Variants in MTUS2 observed in about 807,000 individuals in gnomAD.
The protein encoded by MTUS2 is microtubule-associated tumor suppressor candidate 2.
Under a neutral mutation model 114.1 loss-of-function variants are expected in MTUS2, and 40 were observed. That is an observed-to-expected ratio of 0.35 (90% CI 0.27 to 0.46). MTUS2 has a LOEUF of 0.46. MTUS2 is among the 20% of genes least tolerant of loss of function. The probability of loss-of-function intolerance (pLI) is 1.00; values close to 1 mark genes in which losing one functional copy is unlikely to be tolerated. For synonymous variants in MTUS2, 688 were observed against 672.0 expected, an observed-to-expected ratio of 1.02 and a Z score of -0.37; for missense variants, 1,679 against 1,705.4, an observed-to-expected ratio of 0.98 and a Z score of 0.27.
At chr13:29,373,447 A>G (rs1326156243) in intron 8 of MTUS2, among the ~76,000 whole-genome samples, 2 of 152,234 alleles carry the variant, frequency 1.3e-5, no homozygotes, top group Non-Finnish European at 2.9e-5. Context: ...ACTGGAAAGG[A>G]TAGCAGATAT....
chr13:29,278,101 G>A (rs551848107), intron 5 of MTUS2, among the ~76,000 whole-genome samples: 16 of 152,192 alleles, frequency 1.1e-4, no homozygotes, highest in East Asian at 3.9e-4. Context: ...CTGGGACAGC[G>A]GGCTGCTATA....
intron 9 of MTUS2, among the ~76,000 whole-genome samples, chr13:29,467,520 A>C (rs1879973236): frequency 6.6e-6 from 1 of 152,116 alleles, no homozygotes; most frequent in Admixed American, 6.5e-5. Flanking sequence ...CTGCAAGCCC[A>C]AATTAACCTG....
At chr13:29,072,410 C>T (rs2146140) in intron 4 of MTUS2, among the ~76,000 whole-genome samples, 87,206 of 151,804 alleles carry the variant, frequency 0.57, 25,342 homozygotes, top group Non-Finnish European at 0.61. Flanking sequence ...CTCTTAAATC[C>T]AGTCAATGTT....
intron 4 of MTUS2, among the ~76,000 whole-genome samples, chr13:29,039,467 G>T (rs921534725): frequency 6.6e-6 from 1 of 152,190 alleles, no homozygotes; most frequent in Non-Finnish European, 1.5e-5. Context: ...GTCACAGGGC[G>T]CAGCTGCAGC....
At chr13:29,295,737 G>A (rs368654629) in intron 6 of MTUS2, among the ~76,000 whole-genome samples, 26 of 152,304 alleles carry the variant, frequency 1.7e-4, no homozygotes, top group South Asian at 8.3e-4. Context: ...GGACTCAACA[G>A]TTCCCCATGG....
chr13:29,268,437 T>G (rs1315643846), intron 5 of MTUS2, among the ~76,000 whole-genome samples: 2 of 152,124 alleles, frequency 1.3e-5, no homozygotes, highest in Non-Finnish European at 2.9e-5. Flanking sequence ...AAGTCGAGTC[T>G]TCACGATGCT....
At chr13:28,859,493 A>G (rs1470079920) in intron 2 of MTUS2, among the ~76,000 whole-genome samples, 1 of 152,106 alleles carries the variant, frequency 6.6e-6, no homozygotes, top group East Asian at 1.9e-4. Flanking sequence ...GGACTGGGGA[A>G]TTAGGCATGT....
At chr13:29,463,307 A>G (rs1189622604) in intron 9 of MTUS2, among the ~76,000 whole-genome samples, 1 of 152,194 alleles carries the variant, frequency 6.6e-6, no homozygotes, top group Admixed American at 6.5e-5. Context: ...TGGGGTCATA[A>G]AGAGGAGTTG....
intron 8 of MTUS2, among the ~76,000 whole-genome samples, chr13:29,361,044 G>T (rs1361086586): frequency 1.3e-5 from 2 of 152,162 alleles, no homozygotes; most frequent in East Asian, 3.9e-4. Context: ...CCACTTTTGG[G>T]ATCATGGCAG....
chr13:29,453,157 G>A (rs1878852159), intron 9 of MTUS2, among the ~76,000 whole-genome samples: 1 of 152,158 alleles, frequency 6.6e-6, no homozygotes, highest in Admixed American at 6.5e-5. Flanking sequence ...ATTGGTGTCT[G>A]AGAGAAGATA....
chr13:28,894,053 G>C (rs1440320329), intron 2 of MTUS2, among the ~76,000 whole-genome samples: 1 of 151,804 alleles, frequency 6.6e-6, no homozygotes, highest in Non-Finnish European at 1.5e-5. Context: ...GGGTCTGCCA[G>C]GCTATCCCAC....
At chr13:29,196,556 C>T (rs968013535) in intron 5 of MTUS2, among the ~76,000 whole-genome samples, 8 of 152,108 alleles carry the variant, frequency 5.3e-5, no homozygotes, top group African/African-American at 1.9e-4. Flanking sequence ...CACCATCATC[C>T]ATCTCCAGAA....
chr13:29,504,760 C>T lies in MTUS2; in HGVS notation c.*1554C>T. On this transcript the variant is annotated 3_prime_UTR_variant, in exon 16 of 16. Coordinates refer to ENST00000612955, the MANE Select transcript of MTUS2 (RefSeq NM_001033602.4). ...GTATGTGACAAAGACCCTGCACTTT[C>T]TCCCTGAGACCCCCCCAAAATTGTC... 4.3e-6 allele frequency: 1 copy of T among 233,268 alleles called. No individual in the cohort carries two copies. The highest frequency in any genetic ancestry group is 6.0e-5 in the East Asian group (1 of 16,582). 14.4% of individuals were successfully genotyped at this position (233,268 alleles called of 1,614,324 possible).
chr13:28,934,333 A>G (rs1881777916), intron 2 of MTUS2, among the ~76,000 whole-genome samples: 1 of 152,074 alleles, frequency 6.6e-6, no homozygotes, highest in Non-Finnish European at 1.5e-5. Context: ...GGTTCCAGTT[A>G]ATACTTCTAG....
intron 1 of MTUS2, among the ~76,000 whole-genome samples, chr13:28,826,141 T>G (rs190639662): frequency 9.8e-4 from 150 of 152,296 alleles, no homozygotes; most frequent in African/African-American, 3.5e-3. Flanking sequence ...TATTCTAAAA[T>G]GTAATGTAAC....
At chr13:28,852,975 T>TA (rs57396668) in intron 2 of MTUS2, among the ~76,000 whole-genome samples, 99,304 of 151,104 alleles carry the variant, frequency 0.66, 33,459 homozygotes, top group Admixed American at 0.73. Context: ...ATACATACAT[T>TA]CATTCATTCA....
rs979773080 is a variant in MTUS2, at chr13:29,263,596, C to G, written c.2645-18108C>G. 5.3e-5 allele frequency among the ~76,000 whole-genome samples: 8 copies of G among 152,218 alleles called. No homozygotes were observed. In the East Asian group the frequency reaches 1.5e-3, roughly 29 times the overall value. On this transcript the variant is annotated intron_variant, in intron 5 of 15. Coordinates refer to ENST00000612955, the MANE Select transcript of MTUS2 (RefSeq NM_001033602.4). The stretch of plus-strand genomic sequence containing the variant: ...GTATCAGCTCAGCTTCTGGGGAGGC[C>G]TCAGGGAGTTTTTACTCACGGCAGA...
intron 8 of MTUS2, among the ~76,000 whole-genome samples, chr13:29,411,190 C>T (rs879509380): frequency 6.6e-6 from 1 of 152,056 alleles, no homozygotes; most frequent in Non-Finnish European, 1.5e-5. Flanking sequence ...TTTTTGTTTT[C>T]TTTTTGGTAT....
At chr13:29,193,744 T>A (rs957604568) in intron 5 of MTUS2, among the ~76,000 whole-genome samples, 1 of 151,996 alleles carries the variant, frequency 6.6e-6, no homozygotes, top group African/African-American at 2.4e-5. Context: ...AAAAAACTAC[T>A]TTAAAGTTCA....
Sources: gnomAD v4.1 joint callset for allele counts (sites outside exome capture counted in the v4.1 genomes callset) on GRCh38, gnomAD v4.1.1 for gene constraint, MANE v1.5 for transcripts, NCBI Gene and HGNC (gene_info 2026-07-23, HGNC 2026-07-21) for gene names.